Variants in VPS4A observed in about 807,000 individuals in gnomAD.
The protein encoded by VPS4A is vacuolar protein sorting-associated protein 4A.
A neutral mutation model predicts 52.3 loss-of-function variants in VPS4A; 20 were observed. The observed-to-expected ratio is 0.38, with a 90% CI of 0.27 to 0.56. The LOEUF (loss-of-function observed/expected upper bound fraction) is 0.56. Ranked by LOEUF, VPS4A falls within the 20% of genes least tolerant of loss-of-function variation. VPS4A has a pLI of 0.72. For synonymous variants in VPS4A, 293 were observed against 227.7 expected, an observed-to-expected ratio of 1.29 and a Z score of -2.58; for missense variants, 419 against 575.9, an observed-to-expected ratio of 0.73 and a Z score of 2.79.
Position 69,323,020 on chromosome 16 carries a change from A to G in VPS4A, c.1212+320A>G, listed in dbSNP as rs139001578. On this transcript the variant is annotated intron_variant, in intron 10 of 10. Transcript: ENST00000254950. The stretch of plus-strand genomic sequence containing the variant: ...GAGGCAGAGGTTGCAGTGAGCAGAG[A>G]TTGGGCCACTGCACTCCAGCCTGGG... 2.9e-3 allele frequency: 538 copies of G among 183,970 alleles called. 3 individuals are homozygous for G. Among genetic ancestry groups the G allele is most frequent in the African/African-American group, 0.012 (495 of 42,450 alleles). 11.4% of individuals were successfully genotyped at this position (183,970 alleles called of 1,614,324 possible). A position where few individuals can be genotyped will look rare whatever the true frequency, so the allele number is the denominator to read the frequency against.
chr16:69,316,597 AT>A (rs1378785701), intron 3 of VPS4A, among the ~76,000 whole-genome samples: 1 of 152,078 alleles, frequency 6.6e-6, no homozygotes, highest in Non-Finnish European at 1.5e-5. Flanking sequence ...CTTGGTGCAG[AT>A]GGTAGAGCCT....
intron 10 of VPS4A, chr16:69,323,634 C>G: frequency 2.2e-6 from 1 of 456,028 alleles, no homozygotes; most frequent in Non-Finnish European, 4.4e-6. Context: ...GCCCTTGTGG[C>G]TGGTGTTGGG....
At chr16:69,323,806 C>G in intron 10 of VPS4A, 1 of 379,336 alleles carries the variant, frequency 2.6e-6, no homozygotes, top group South Asian at 1.9e-5. Context: ...AAAAATCAGC[C>G]ATGTGTGGTG....
At chr16:69,313,796 A>G (rs8044794) in intron 1 of VPS4A, among the ~76,000 whole-genome samples, 51,765 of 151,848 alleles carry the variant, frequency 0.34, 9,469 homozygotes, top group African/African-American at 0.46. Context: ...TACAGTAAGC[A>G]TTTGCCAGCC....
Position 69,321,309 on chromosome 16 carries a change from T to A in VPS4A, c.1071+39T>A. ...GCCACTGCTGAGAAAAATCTCATAG[T>A]AAGAGCGGGATGTTCGGTTTTTTTT... On this transcript the variant is annotated intron_variant, in intron 9 of 10. Transcript: ENST00000254950. This position sits in a 1 kb window ranked among gnomAD's most constrained non-coding sequence, Gnocchi z 4.5. The A allele has an allele frequency of 6.5e-7, 1 of 1,537,852 alleles. No homozygotes were observed. Among genetic ancestry groups the A allele is most frequent in the South Asian group, 1.2e-5 (1 of 83,248 alleles).
intron 5 of VPS4A, 149 bp from the exon 6 acceptor site, chr16:69,319,238 G>A (rs1965479202): frequency 2.5e-6 from 3 of 1,198,068 alleles, no homozygotes; most frequent in Non-Finnish European, 3.5e-6. Flanking sequence ...GGCACAGCAG[G>A]GAATGTAGCT....
Position 69,319,408 on chromosome 16 carries a change from G to A in VPS4A, c.485G>A (p.Gly162Glu), listed in dbSNP as rs758329744. 6.2e-7 allele frequency: 1 copy of A among 1,614,000 alleles called. No homozygotes were observed. Among genetic ancestry groups the A allele is most frequent in the South Asian group, 1.1e-5 (1 of 91,092 alleles). Residue 162 changes from glycine (G) to glutamate (E), a missense_variant, in exon 6 of 11, where the codon GGG becomes GAG. Coordinates refer to ENST00000254950, the MANE Select transcript of VPS4A (RefSeq NM_013245.3). ...GCAGGCAAGCGCACCCCCTGGCGGG[G>A]GATTCTGCTGTTCGGACCCCCTGGC... Reference protein sequence around the residue: ...LFTGKRTPWRGILLFGPPGTG... With the variant: ...LFTGKRTPWREILLFGPPGTG...
chr16:69,318,395 C>T (rs1006522508), intron 3 of VPS4A, among the ~76,000 whole-genome samples: 2 of 152,204 alleles, frequency 1.3e-5, no homozygotes, highest in South Asian at 2.1e-4. Context: ...AGGAGAGGGC[C>T]GACCCGGATT....
At position 69,311,369 on chromosome 16, in the gene VPS4A, G is replaced by A. The variant is rs976125469; in HGVS notation, c.-143G>A. Reference sequence around the variant, plus strand: ...TCGCTTGCCCTCGGACTCGGCTCCCGCTGCGAGCGGCCGCCCTGCCCGCGC... The same window carrying A: ...TCGCTTGCCCTCGGACTCGGCTCCCACTGCGAGCGGCCGCCCTGCCCGCGC... On this transcript the variant is annotated 5_prime_UTR_variant, in exon 1 of 11. Coordinates refer to ENST00000254950, the MANE Select transcript of VPS4A (RefSeq NM_013245.3). 45 of 937,166 alleles carry A rather than the reference G, an allele frequency of 4.8e-5. No individual in the cohort carries two copies. Among genetic ancestry groups the A allele is most frequent in the Middle Eastern group, 3.6e-4 (1 of 2,742 alleles). 58.1% of individuals were successfully genotyped at this position (937,166 alleles called of 1,614,324 possible).
Position 69,322,596 on chromosome 16 carries a change from A to C in VPS4A, c.1108A>C (p.Ile370Leu). The change falls in exon 10 of 11, where the codon ATT (isoleucine) becomes CTT (leucine). Residue 370 changes from isoleucine (I) to leucine (L), a missense_variant. Physicochemically the swap from Ile to Leu is conservative, Grantham distance 5. Transcript: ENST00000254950. ...CTCTCGCACCAACCCCAGCATGATG[A>C]TTGATGACCTCCTGACTCCATGCTC... is the stretch of plus-strand genomic sequence containing the variant. Reference protein sequence around the residue: ...GPSRTNPSMMIDDLLTPCSPG... With the variant: ...GPSRTNPSMMLDDLLTPCSPG... 6.2e-7 allele frequency: 1 copy of C among 1,613,732 alleles called. No individual in the cohort carries two copies. The highest frequency in any genetic ancestry group is 1.1e-5 in the South Asian group (1 of 91,068).
At position 69,312,722 on chromosome 16, in the gene VPS4A, C is replaced by T. The variant is rs181447988; in HGVS notation, c.21+1190C>T. Among the ~76,000 whole-genome samples, 5 of 152,210 alleles carry T rather than the reference C, an allele frequency of 3.3e-5. No homozygotes were observed. In the East Asian group the frequency reaches 9.7e-4, roughly 29 times the overall value. On this transcript the variant is annotated intron_variant, in intron 1 of 10. Coordinates refer to ENST00000254950, the MANE Select transcript of VPS4A (RefSeq NM_013245.3). ...CTGCCTCTCAGGTTCAAGCGATTCT[C>T]CTGCCTCAGCCTCCTGAGTAGCTGG... is the stretch of plus-strand genomic sequence containing the variant.
rs373896816 is a variant in VPS4A, at chr16:69,318,819, G to A, written c.344-4G>A. On this transcript the variant is annotated splice_region_variant and splice_polypyrimidine_tract_variant and intron_variant, in intron 4 of 10. Coordinates refer to ENST00000254950, the MANE Select transcript of VPS4A (RefSeq NM_013245.3). ...CCGGGCCCGGGCCGGCCTCCCTCTC[G>A]CAGGTGCCGTCGTGATGGAGAAGCC... 1.0e-4 allele frequency: 165 copies of A among 1,612,590 alleles called. No homozygotes were observed. Among genetic ancestry groups the A allele is most frequent in the Non-Finnish European group, 2.5e-5 (30 of 1,179,342 alleles).
At chr16:69,318,007 CT>C (rs71148992) in intron 3 of VPS4A, among the ~76,000 whole-genome samples, 87,644 of 125,852 alleles carry the variant, frequency 0.7, 30,359 homozygotes, top group East Asian at 0.93. Context: ...GTTTGACTGG[CT>C]TTTTTTTTTT....
intron 1 of VPS4A, among the ~76,000 whole-genome samples, chr16:69,314,982 C>T (rs941433665): frequency 6.6e-6 from 1 of 151,988 alleles, no homozygotes; most frequent in Non-Finnish European, 1.5e-5. Flanking sequence ...TTTCTGTAAT[C>T]CCAGCACTTT....
intron 1 of VPS4A, among the ~76,000 whole-genome samples, chr16:69,313,331 A>T (rs770375055): frequency 1.3e-5 from 2 of 152,136 alleles, no homozygotes; most frequent in East Asian, 1.9e-4. Flanking sequence ...TAGTATATTC[A>T]TGGTTGTGTG....
intron 3 of VPS4A, among the ~76,000 whole-genome samples, chr16:69,317,757 C>T (rs945596047): frequency 3.3e-5 from 5 of 151,970 alleles, no homozygotes; most frequent in Admixed American, 3.3e-4. Flanking sequence ...CGAGCCACTA[C>T]ACTCCAGCCT....
At chr16:69,319,683 T>C in intron 6 of VPS4A, 140 bp downstream of exon 6, 1 of 1,186,786 alleles carries the variant, frequency 8.4e-7, no homozygotes, top group Non-Finnish European at 1.2e-6. Flanking sequence ...CGCTAGCTTA[T>C]CGGCTGGGAC....
At chr16:69,313,568 C>A (rs1965402242) in intron 1 of VPS4A, among the ~76,000 whole-genome samples, 1 of 152,094 alleles carries the variant, frequency 6.6e-6, no homozygotes, top group Non-Finnish European at 1.5e-5. Context: ...TAGGTTTTTA[C>A]ATTTTTTAAA....
At chr16:69,319,326 T>A (rs1965481371) in intron 5 of VPS4A, 61 bp from the exon 6 acceptor site, 10 of 1,596,888 alleles carry the variant, frequency 6.3e-6, no homozygotes, top group Non-Finnish European at 8.5e-6. Context: ...CTCGAGACCC[T>A]CTGCTTTTCC....
Sources: allele counts gnomAD v4.1 joint callset (sites outside exome capture counted in the v4.1 genomes callset), GRCh38; gene constraint gnomAD v4.1.1; non-coding constraint Gnocchi (gnomAD v3.1); transcripts MANE v1.5; gene names NCBI Gene and HGNC (gene_info 2026-07-23, HGNC 2026-07-21).